The following FRRS1 variants were observed in gnomAD, a reference collection of about 807,000 sequenced individuals.
FRRS1 encodes ferric reductase 1.
In FRRS1, 51 loss-of-function variants were observed where a neutral mutation model predicts 70.7. That is an observed-to-expected ratio of 0.72 (90% CI 0.58 to 0.91). The LOEUF (loss-of-function observed/expected upper bound fraction) is 0.91. Ranked by LOEUF, FRRS1 falls within the 40% of genes least tolerant of loss-of-function variation. The pLI is 0.00. For missense variants in FRRS1, 672 were observed against 726.0 expected, an observed-to-expected ratio of 0.93 and a Z score of 0.86; for synonymous variants, 225 against 238.7, an observed-to-expected ratio of 0.94 and a Z score of 0.53.
chr1:99,757,937 G>C (rs1142440), intron 1 of FRRS1, among the ~76,000 whole-genome samples: 74,547 of 144,302 alleles, frequency 0.52, 22,406 homozygotes, highest in African/African-American at 0.85. Context: ...AGGCTAAGGA[G>C]AATGCCTGGG....
rs539132881 is a variant in FRRS1 at position 99,704,759 on chromosome 1, C to T, written c.*4269G>A. On this transcript the variant is annotated 3_prime_UTR_variant, in exon 17 of 17. Transcript: ENST00000646001. ...GGGAGCACGCCAGAGGAAGAGCACACGACAGATCCCAGCATGCCGACAGGC... is the reference window on the plus strand; with the variant it reads ...GGGAGCACGCCAGAGGAAGAGCACATGACAGATCCCAGCATGCCGACAGGC... Among the ~76,000 whole-genome samples, 8 of 152,224 alleles carry T rather than the reference C, an allele frequency of 5.3e-5. No individual in the cohort carries two copies. The South Asian group carries it at 1.2e-3, about 24-fold the overall frequency.
chr1:99,760,964 C>T (rs1424371995), intron 1 of FRRS1, among the ~76,000 whole-genome samples: 1 of 151,850 alleles, frequency 6.6e-6, no homozygotes, highest in African/African-American at 2.4e-5. Flanking sequence ...GGAAAGACTT[C>T]TGAAAAAGAT....
At chr1:99,740,655 G>GACA (rs1312289012) in intron 6 of FRRS1, 138 bp downstream of exon 6, 2 of 651,410 alleles carry the variant, frequency 3.1e-6, no homozygotes, top group Non-Finnish European at 2.8e-6. Flanking sequence ...CTAAAGCTGG[G>GACA]CACAGTGGCT....
chr1:99,719,406 T>TAAAAA, intron 10 of FRRS1, 128 bp downstream of exon 10: 1 of 407,854 alleles, frequency 2.5e-6, no homozygotes, highest in African/African-American at 9.1e-5. Context: ...AGACTCCATC[T>TAAAAA]CAAAAAAAAA....
Position 99,747,439 on chromosome 1 carries a change from A to G in FRRS1, c.197-9T>C. 1 of 1,606,358 alleles carries G rather than the reference A, an allele frequency of 6.2e-7. No individual in the cohort carries two copies. The highest frequency in any genetic ancestry group is 1.1e-5 in the South Asian group (1 of 89,182). ...ATGCCCTGACAAAGTAACTGAGAAA[A>G]AGACAAAAGGGTTGGTTAAAAAGCT... On this transcript the variant is annotated splice_polypyrimidine_tract_variant and intron_variant, in intron 3 of 16. Transcript: ENST00000646001.
At chr1:99,724,982 C>A (rs1655011666) in intron 9 of FRRS1, among the ~76,000 whole-genome samples, 1 of 152,040 alleles carries the variant, frequency 6.6e-6, no homozygotes, top group Admixed American at 6.6e-5. Flanking sequence ...CAGTCCCCAA[C>A]CTTTTTGGCA....
At chr1:99,716,388 A>C (rs1162519703) in intron 11 of FRRS1, among the ~76,000 whole-genome samples, 2 of 152,236 alleles carry the variant, frequency 1.3e-5, no homozygotes, top group African/African-American at 4.8e-5. Flanking sequence ...GGAGGATTTG[A>C]GTTGATAAAG....
intron 7 of FRRS1, among the ~76,000 whole-genome samples, chr1:99,730,058 T>A (rs1241758225): frequency 1.3e-5 from 2 of 152,230 alleles, no homozygotes; most frequent in African/African-American, 4.8e-5. Flanking sequence ...TCATGTATAT[T>A]CATCCAAACC....
At chr1:99,738,940 T>C (rs1655816228) in intron 6 of FRRS1, among the ~76,000 whole-genome samples, 1 of 151,978 alleles carries the variant, frequency 6.6e-6, no homozygotes, top group Non-Finnish European at 1.5e-5. Flanking sequence ...GAAAAAAAAA[T>C]CAGCTGTATA....
chr1:99,758,891 T>C (rs1188670131), intron 1 of FRRS1, among the ~76,000 whole-genome samples: 1 of 152,142 alleles, frequency 6.6e-6, no homozygotes, highest in Non-Finnish European at 1.5e-5. Flanking sequence ...GTCTGTCTTA[T>C]GGGGTTGAGA....
At chr1:99,729,937 T>C (rs1414150971) in intron 7 of FRRS1, among the ~76,000 whole-genome samples, 189 bp from the exon 8 acceptor site, 1 of 152,234 alleles carries the variant, frequency 6.6e-6, no homozygotes, top group Non-Finnish European at 1.5e-5. Context: ...AATAATTTTG[T>C]TATAATACAA....
intron 9 of FRRS1, among the ~76,000 whole-genome samples, chr1:99,725,534 G>A (rs1655044960): frequency 6.6e-6 from 1 of 152,166 alleles, no homozygotes; most frequent in Admixed American, 6.5e-5. Context: ...CTGAGATGGG[G>A]TTCAGGAATC....
intron 8 of FRRS1, 33 bp from the exon 9 acceptor site, chr1:99,728,673 T>C: frequency 6.3e-7 from 1 of 1,584,934 alleles, no homozygotes; most frequent in Non-Finnish European, 8.6e-7. Flanking sequence ...TTCTCAGCAC[T>C]TTCCAAAGAT....
chr1:99,744,061 T>C (rs1286257931), intron 4 of FRRS1, among the ~76,000 whole-genome samples: 6 of 78,170 alleles, frequency 7.7e-5, no homozygotes, highest in African/African-American at 4.9e-4. Context: ...ATAAGAACGA[T>C]TGTAAAAAAA....
intron 4 of FRRS1, among the ~76,000 whole-genome samples, chr1:99,742,581 T>A (rs771286342): frequency 1.3e-5 from 2 of 152,198 alleles, no homozygotes; most frequent in Non-Finnish European, 2.9e-5. Flanking sequence ...TAAATTTATA[T>A]CTCTTCCATT....
intron 7 of FRRS1, among the ~76,000 whole-genome samples, chr1:99,736,362 A>C (rs1483769355): frequency 6.6e-6 from 1 of 152,156 alleles, no homozygotes; most frequent in African/African-American, 2.4e-5. Context: ...TATTTTTTTA[A>C]GTACATGGTA....
intron 6 of FRRS1, among the ~76,000 whole-genome samples, chr1:99,740,406 G>A (rs941291595): frequency 1.3e-5 from 2 of 152,012 alleles, no homozygotes; most frequent in African/African-American, 2.4e-5. Context: ...ACTCCAAAAC[G>A]TGCTACCACT....
chr1:99,742,236 G>GC lies in FRRS1; in HGVS notation c.370_371insG (p.Thr124SerfsTer4), dbSNP rs1656002058. 1.9e-6 allele frequency: 3 copies of GC among 1,611,478 alleles called. No homozygotes were observed. The highest frequency in any genetic ancestry group is 2.5e-6 in the Non-Finnish European group (3 of 1,177,778). ...AGCATTCCAGTAGACTTTAATTTCT[G>GC]TTTTTTTAGATGCACTTCTGTGACT... is the stretch of plus-strand genomic sequence containing the variant. On this transcript the variant is annotated frameshift_variant, in exon 5 of 17. Transcript: ENST00000646001. LOFTEE classifies it high-confidence loss of function.
At chr1:99,717,039 C>T (rs886218280) in intron 11 of FRRS1, among the ~76,000 whole-genome samples, 2 of 152,176 alleles carry the variant, frequency 1.3e-5, no homozygotes, top group Non-Finnish European at 2.9e-5. Flanking sequence ...TCTTCAGCTC[C>T]TCTGCATTCC....
Sources: gnomAD v4.1 joint callset for allele counts (sites outside exome capture counted in the v4.1 genomes callset) on GRCh38, gnomAD v4.1.1 for gene constraint, MANE v1.5 for transcripts, NCBI Gene and HGNC (gene_info 2026-07-23, HGNC 2026-07-21) for gene names.